The following WWOX variants were observed in gnomAD, a reference collection of about 807,000 sequenced individuals.
WWOX encodes WW domain containing oxidoreductase.
WWOX carries 69 observed loss-of-function variants against 46.2 expected under a neutral mutation model. The observed-to-expected ratio is 1.49, with a 90% CI of 1.23 to 1.82. The LOEUF (loss-of-function observed/expected upper bound fraction) is 1.82. Among genes scored for constraint, WWOX ranks in the 40% most tolerant of loss-of-function variants. The pLI is 0.00. For synonymous variants in WWOX, 359 were observed against 202.6 expected (o/e 1.77, Z -6.56); for missense variants, 919 against 542.6 (o/e 1.69, Z -6.89).
intron 8 of WWOX, among the ~76,000 whole-genome samples, chr16:78,856,911 C>G (rs540927104): frequency 6.6e-6 from 1 of 152,292 alleles, no homozygotes; most frequent in Non-Finnish European, 1.5e-5. Context: ...TATAACCTGC[C>G]ATACTCCTAG....
At chr16:78,785,798 G>T (rs12925315) in intron 8 of WWOX, among the ~76,000 whole-genome samples, 101,062 of 148,640 alleles carry the variant, frequency 0.68, 33,806 homozygotes, top group African/African-American at 0.7. Flanking sequence ...TGCTGAATTG[G>T]ATAATGGTTT....
intron 8 of WWOX, among the ~76,000 whole-genome samples, chr16:78,841,698 A>G (rs1041485404): frequency 2.0e-5 from 3 of 152,164 alleles, no homozygotes; most frequent in Admixed American, 6.5e-5. Flanking sequence ...AGACGATTTC[A>G]TTTTGGGCTT....
chr16:78,765,994 A>G (rs1039234312), intron 8 of WWOX, among the ~76,000 whole-genome samples: 3 of 152,190 alleles, frequency 2.0e-5, no homozygotes, highest in African/African-American at 7.2e-5. Flanking sequence ...TCCAGGAAAT[A>G]CAGCTGGAGA....
intron 8 of WWOX, among the ~76,000 whole-genome samples, chr16:78,513,892 A>ACC (rs2085423839): frequency 9.2e-5 from 11 of 119,516 alleles, no homozygotes; most frequent in African/African-American, 4.0e-4. Context: ...TACAGTTCCC[A>ACC]CTCCCCCCCC....
chr16:78,747,972 C>A (rs926770051), intron 8 of WWOX, among the ~76,000 whole-genome samples: 1 of 152,176 alleles, frequency 6.6e-6, no homozygotes, highest in African/African-American at 2.4e-5. Context: ...TCTTAGTGGT[C>A]CTCTTGCGTA....
In WWOX at chr16:78,747,854, A is replaced by G. The variant is rs1055487625; in HGVS notation, c.1056+315102A>G. On this transcript the variant is annotated intron_variant, in intron 8 of 8. Coordinates refer to ENST00000566780, the MANE Select transcript of WWOX (RefSeq NM_016373.4). ...GCTGCTCCATGATCAAGGATAAACT[A>G]TAATCTTTCTCTCTGCCTCAGTTTT... 2.2e-4 allele frequency among the ~76,000 whole-genome samples: 33 copies of G among 152,240 alleles called. 1 individual carries two copies. The highest frequency in any genetic ancestry group is 9.7e-4 in the East Asian group (5 of 5,176).
chr16:79,158,920 C>T lies in WWOX; in HGVS notation c.1057-52688C>T, dbSNP rs143492818. Among the ~76,000 whole-genome samples the T allele has an allele frequency of 3.7e-3, 564 of 152,276 alleles. 2 individuals carry two copies. Among genetic ancestry groups the T allele is most frequent in the African/African-American group, 0.013 (529 of 41,556 alleles). Reference sequence around the variant, plus strand: ...TGTAGTCCCAGTTCCTACAACAGTGCCCAGGACACACCAGGAACGTGACAT... The same window carrying T: ...TGTAGTCCCAGTTCCTACAACAGTGTCCAGGACACACCAGGAACGTGACAT... On this transcript the variant is annotated intron_variant, in intron 8 of 8. Coordinates refer to ENST00000566780, the MANE Select transcript of WWOX (RefSeq NM_016373.4).
chr16:78,812,994 A>G lies in WWOX; in HGVS notation c.1056+380242A>G, dbSNP rs539519135. On this transcript the variant is annotated intron_variant, in intron 8 of 8. Transcript: ENST00000566780. ...TTGTTATGAATCTTTGGGGAAACAC[A>G]ATTAGGGAATCTACCTTAATAGGTA... Among the ~76,000 whole-genome samples, 5 of 152,316 alleles carry G rather than the reference A, an allele frequency of 3.3e-5. No homozygotes were observed. In the Middle Eastern group the frequency reaches 0.014, roughly 414 times the overall value.
intron 8 of WWOX, among the ~76,000 whole-genome samples, chr16:79,074,545 A>T (rs994617833): frequency 6.8e-6 from 1 of 147,854 alleles, no homozygotes; most frequent in Non-Finnish European, 1.5e-5. Flanking sequence ...CCATGAGGGG[A>T]TCTCTACACT....
At chr16:78,702,977 C>T (rs529990023) in intron 8 of WWOX, among the ~76,000 whole-genome samples, 2 of 152,240 alleles carry the variant, frequency 1.3e-5, no homozygotes, top group African/African-American at 4.8e-5. Flanking sequence ...TGTAGATCAT[C>T]ATAGGATAAC....
chr16:79,134,530 T>A (rs1383076322), intron 8 of WWOX, among the ~76,000 whole-genome samples: 1 of 152,142 alleles, frequency 6.6e-6, no homozygotes, highest in African/African-American at 2.4e-5. Context: ...CGGGGCCCAC[T>A]CCTACCTGGG....
At chr16:78,164,580 C>T (rs1370419416) in intron 5 of WWOX, among the ~76,000 whole-genome samples, 3 of 152,124 alleles carry the variant, frequency 2.0e-5, no homozygotes, top group Non-Finnish European at 4.4e-5. Context: ...GGTGAACGCC[C>T]ATGATTGCAA....
At chr16:78,795,958 A>G (rs918904168) in intron 8 of WWOX, among the ~76,000 whole-genome samples, 11 of 152,238 alleles carry the variant, frequency 7.2e-5, no homozygotes, top group Non-Finnish European at 5.9e-5. Context: ...AGAAAATCAG[A>G]TGATGTCTAA....
chr16:79,129,886 G>A (rs116091234), intron 8 of WWOX, among the ~76,000 whole-genome samples: 1 of 152,334 alleles, frequency 6.6e-6, no homozygotes, highest in African/African-American at 2.4e-5. Flanking sequence ...GCTCCCTGGA[G>A]TGAAGTGTAA....
At chr16:79,058,106 TAA>T (rs1213609475) in intron 8 of WWOX, among the ~76,000 whole-genome samples, 1 of 81,732 alleles carries the variant, frequency 1.2e-5, no homozygotes, top group African/African-American at 5.7e-5. Context: ...ATATCTTACT[TAA>T]AAAAAAAAAA....
chr16:78,853,050 C>G (rs79465411), intron 8 of WWOX, among the ~76,000 whole-genome samples: 1 of 152,236 alleles, frequency 6.6e-6, no homozygotes, highest in Non-Finnish European at 1.5e-5. Context: ...GTTTTCTTAT[C>G]TGCAAAATGA....
intron 3 of WWOX, 29 bp downstream of exon 3, chr16:78,109,864 G>A (rs1186132136): frequency 1.2e-6 from 2 of 1,613,714 alleles, no homozygotes; most frequent in Non-Finnish European, 1.7e-6. Flanking sequence ...ACCACTCTCA[G>A]CTGTTTTGCT....
chr16:78,141,371 G>T (rs1337375423), intron 4 of WWOX, among the ~76,000 whole-genome samples: 2 of 151,518 alleles, frequency 1.3e-5, no homozygotes, highest in Non-Finnish European at 2.9e-5. Context: ...TGTTTTCACA[G>T]GTCTCTGCTT....
At chr16:79,067,557 C>A (rs1230131074) in intron 8 of WWOX, among the ~76,000 whole-genome samples, 3 of 140,710 alleles carry the variant, frequency 2.1e-5, no homozygotes, top group African/African-American at 5.4e-5. Flanking sequence ...ACCACTGCCA[C>A]ATGGAATAGT....
Sources: allele counts gnomAD v4.1 joint callset (sites outside exome capture counted in the v4.1 genomes callset), GRCh38; gene constraint gnomAD v4.1.1; transcripts MANE v1.5; gene names NCBI Gene and HGNC (gene_info 2026-07-23, HGNC 2026-07-21).